MYZAP: variants seen among roughly 807,000 people sequenced by gnomAD.
MYZAP encodes the protein GRINL1A complex locus upstream.
MYZAP carries 66 observed loss-of-function variants against 69.4 expected under a neutral mutation model. That is an observed-to-expected ratio of 0.95 (90% CI 0.78 to 1.17). The LOEUF is 1.17. MYZAP is among the 50% of genes most tolerant of loss of function. MYZAP has a pLI of 0.00. For missense variants in MYZAP, 611 were observed against 556.2 expected, an observed-to-expected ratio of 1.10 and a Z score of -0.99; for synonymous variants, 256 against 205.9, an observed-to-expected ratio of 1.24 and a Z score of -2.09.
At chr15:57,631,625 A>AGGACT (rs528190691) in intron 6 of MYZAP, among the ~76,000 whole-genome samples, 71 of 152,330 alleles carry the variant, frequency 4.7e-4, no homozygotes, top group Non-Finnish European at 8.5e-4. Context: ...AGCTCTGCTC[A>AGGACT]GGACTTTCCA....
intron 10 of MYZAP, among the ~76,000 whole-genome samples, chr15:57,652,270 C>T (rs542287503): frequency 2.0e-5 from 3 of 152,142 alleles, no homozygotes; most frequent in Non-Finnish European, 2.9e-5. Flanking sequence ...TTTACTCCCC[C>T]CCAAATGAGA....
At chr15:57,622,671 A>T (rs1332459587) in intron 4 of MYZAP, among the ~76,000 whole-genome samples, 1 of 152,208 alleles carries the variant, frequency 6.6e-6, no homozygotes, top group Non-Finnish European at 1.5e-5. Flanking sequence ...GGGAAAACTT[A>T]TGTGCTGTTG....
At chr15:57,618,305 T>C (rs1246864710) in intron 3 of MYZAP, 117 bp downstream of exon 3, 2 of 1,446,148 alleles carry the variant, frequency 1.4e-6, no homozygotes, top group African/African-American at 2.9e-5. Context: ...TTCTTAGTGT[T>C]ATCATTTTGG....
intron 5 of MYZAP, among the ~76,000 whole-genome samples, chr15:57,626,432 A>G (rs543358294): frequency 6.6e-6 from 1 of 152,330 alleles, no homozygotes; most frequent in South Asian, 2.1e-4. Flanking sequence ...ATTTGTGAAA[A>G]TGCATGTTGT....
chr15:57,610,679 G>T (rs1234804515), intron 2 of MYZAP, among the ~76,000 whole-genome samples: 2 of 152,174 alleles, frequency 1.3e-5, no homozygotes. Context: ...GTTGATAAAT[G>T]TGGAAGTTCT....
intron 1 of MYZAP, among the ~76,000 whole-genome samples, chr15:57,601,136 T>C (rs547715753): frequency 6.6e-6 from 1 of 152,320 alleles, no homozygotes; most frequent in African/African-American, 2.4e-5. Context: ...GCTTACTATG[T>C]GACACTCTCC....
chr15:57,675,486 G>A (rs1429727043), intron 12 of MYZAP, among the ~76,000 whole-genome samples: 2 of 152,068 alleles, frequency 1.3e-5, no homozygotes, highest in African/African-American at 2.4e-5. Flanking sequence ...GGTGTGAGAG[G>A]GGCATCCGAG....
chr15:57,596,263 A>G (rs1044180210), intron 1 of MYZAP, among the ~76,000 whole-genome samples: 26 of 152,186 alleles, frequency 1.7e-4, no homozygotes, highest in African/African-American at 2.9e-4. Flanking sequence ...CTGTGCATCC[A>G]TATCTGAACA....
At position 57,620,209 on chromosome 15, in the gene MYZAP, G is replaced by C. The variant is rs190222309; in HGVS notation, c.319-1399G>C. 9.8e-4 allele frequency among the ~76,000 whole-genome samples: 149 copies of C among 152,300 alleles called. 2 individuals are homozygous for C. Among genetic ancestry groups the C allele is most frequent in the Admixed American group, 8.7e-3 (133 of 15,306 alleles). The stretch of plus-strand genomic sequence containing the variant: ...AGTAGACTCTATTTTTAGAATTCAT[G>C]TGGGGAAGTCTGGGGGTCTTGACTC... On this transcript the variant is annotated intron_variant, in intron 3 of 12. Coordinates refer to ENST00000267853, the MANE Select transcript of MYZAP (RefSeq NM_001018100.5).
intron 2 of MYZAP, among the ~76,000 whole-genome samples, chr15:57,614,261 G>A (rs12592708): frequency 0.3 from 46,019 of 152,126 alleles, 7,240 homozygotes; most frequent in East Asian, 0.55. Context: ...CTCATTGCAC[G>A]TCAGTCACTG....
chr15:57,645,790 G>A (rs72745509), intron 10 of MYZAP, among the ~76,000 whole-genome samples: 4,745 of 152,236 alleles, frequency 0.031, 85 homozygotes, highest in Admixed American at 0.047. Context: ...CAATCTTTGG[G>A]TATACTTCTC....
chr15:57,654,943 G>T (rs1249754384), intron 10 of MYZAP, among the ~76,000 whole-genome samples: 2 of 151,924 alleles, frequency 1.3e-5, no homozygotes, highest in African/African-American at 2.4e-5. Context: ...GTGCAGATTG[G>T]CAAGGGTGAT....
chr15:57,675,902 T>C (rs2039089839), intron 12 of MYZAP, among the ~76,000 whole-genome samples: 1 of 152,190 alleles, frequency 6.6e-6, no homozygotes, highest in South Asian at 2.1e-4. Context: ...TGGTATCGTG[T>C]GTGCAGGAGG....
chr15:57,639,416 G>T, intron 9 of MYZAP, 24 bp from the exon 10 acceptor site: 1 of 1,612,964 alleles, frequency 6.2e-7, no homozygotes, highest in Middle Eastern at 1.7e-4. Flanking sequence ...GGACTCATTT[G>T]CTTTTTTCTC....
At chr15:57,606,166 A>G (rs1354647153) in intron 2 of MYZAP, among the ~76,000 whole-genome samples, 1 of 152,208 alleles carries the variant, frequency 6.6e-6, no homozygotes, top group Admixed American at 6.5e-5. Flanking sequence ...CTGATTCTAA[A>G]GGGACAGTAC....
intron 9 of MYZAP, among the ~76,000 whole-genome samples, chr15:57,638,893 A>G (rs183961705): frequency 7.2e-5 from 11 of 152,286 alleles, no homozygotes; most frequent in African/African-American, 2.6e-4. Context: ...GGATGTTCCA[A>G]TATGTTAATA....
In MYZAP at chr15:57,684,931, A is replaced by G. The variant is rs1690929605; in HGVS notation, c.*433A>G. 1 of 155,230 alleles carries G rather than the reference A, an allele frequency of 6.4e-6. No individual in the cohort carries two copies. Among genetic ancestry groups the G allele is most frequent in the African/African-American group, 2.4e-5 (1 of 41,456 alleles). 9.6% of individuals were successfully genotyped at this position (155,230 alleles called of 1,614,324 possible). ...AAGTATTAGAGGCAGCGTTTCTCTG[A>G]TACAGAGAGGCCTGTCCACAAGAAG... On this transcript the variant is annotated 3_prime_UTR_variant, in exon 13 of 13. Coordinates refer to ENST00000267853, the MANE Select transcript of MYZAP (RefSeq NM_001018100.5).
At chr15:57,651,439 C>T (rs2037722049) in intron 10 of MYZAP, among the ~76,000 whole-genome samples, 1 of 152,202 alleles carries the variant, frequency 6.6e-6, no homozygotes, top group African/African-American at 2.4e-5. Flanking sequence ...AGGGCCCCAG[C>T]AGATCCTTTG....
At chr15:57,609,841 A>G (rs1240599920) in intron 2 of MYZAP, among the ~76,000 whole-genome samples, 1 of 152,244 alleles carries the variant, frequency 6.6e-6, no homozygotes, top group Non-Finnish European at 1.5e-5. Context: ...AATTGGTAAT[A>G]GTTTTGAAAT....
Sources: gnomAD v4.1 joint callset for allele counts (sites outside exome capture counted in the v4.1 genomes callset) on GRCh38, gnomAD v4.1.1 for gene constraint, MANE v1.5 for transcripts, NCBI Gene and HGNC (gene_info 2026-07-23, HGNC 2026-07-21) for gene names.